XPO5: variants seen among roughly 807,000 people sequenced by gnomAD.
The protein encoded by XPO5 is exportin 5.
XPO5 carries 46 observed loss-of-function variants against 160.6 expected under a neutral mutation model. That is an observed-to-expected ratio of 0.29 (90% CI 0.23 to 0.37). XPO5 has a LOEUF of 0.37. Among genes scored for constraint, XPO5 ranks in the 10% least tolerant of loss-of-function variants. The probability of loss-of-function intolerance (pLI) is 1.00; values close to 1 mark genes in which losing one functional copy is unlikely to be tolerated. For missense variants in XPO5, 1,090 were observed against 1,463.9 expected (o/e 0.74, Z 4.17); for synonymous variants, 537 against 519.3 (o/e 1.03, Z -0.46).
intron 9 of XPO5, chr6:43,561,997 G>A (rs1314153257): frequency 6.2e-6 from 2 of 322,352 alleles, no homozygotes; most frequent in Non-Finnish European, 5.6e-6. Context: ...AGAAACCAAC[G>A]TTGACTTTAT....
intron 5 of XPO5, 131 bp downstream of exon 5, chr6:43,570,371 G>GTTTTTTAT: frequency 3.2e-6 from 2 of 629,120 alleles, no homozygotes; most frequent in Non-Finnish European, 4.7e-6. Context: ...TCATTTCCTA[G>GTTTTTTAT]TTTTTTATTT....
At chr6:43,575,379 T>G (rs1582254460) in intron 1 of XPO5, among the ~76,000 whole-genome samples, 1 of 106,284 alleles carries the variant, frequency 9.4e-6, no homozygotes, top group African/African-American at 3.7e-5. Flanking sequence ...ACGAAGCTGG[T>G]GTTGGGGGCG....
chr6:43,560,612 A>G (rs1762368483), intron 10 of XPO5, among the ~76,000 whole-genome samples: 2 of 152,242 alleles, frequency 1.3e-5, no homozygotes, highest in South Asian at 4.1e-4. Context: ...AATTAATTTT[A>G]TAATACAATT....
At chr6:43,524,426 A>C in intron 31 of XPO5, 45 bp downstream of exon 31, 1 of 1,591,824 alleles carries the variant, frequency 6.3e-7, no homozygotes, top group Non-Finnish European at 8.6e-7. Flanking sequence ...CATACACATG[A>C]TTTAAGAAGG....
chr6:43,526,355 T>A, intron 27 of XPO5: 1 of 414,072 alleles, frequency 2.4e-6, no homozygotes, highest in Non-Finnish European at 4.5e-6. Context: ...TGAAGAAGAA[T>A]AAAGCAGAGG....
intron 1 of XPO5, among the ~76,000 whole-genome samples, 181 bp downstream of exon 1, chr6:43,575,579 G>A (rs953197381): frequency 6.6e-6 from 1 of 152,246 alleles, no homozygotes; most frequent in Middle Eastern, 3.2e-3. Flanking sequence ...GGAGCGGCGA[G>A]TAGAGAAGGC....
chr6:43,524,335 AGAGT>A, intron 31 of XPO5, 132 bp downstream of exon 31: 2 of 1,227,278 alleles, frequency 1.6e-6, no homozygotes, highest in Non-Finnish European at 2.2e-6. Context: ...CTGGGCAACA[AGAGT>A]GAAACCCCAT....
rs58633664 is a variant in XPO5, at chr6:43,562,183, A to G, written c.1011+64T>C. ...GACATTTGCAACCCCTCATTGAAACATAAGTTTCTAAATGCTCTTCCCAAA... is the reference window on the plus strand; with the variant it reads ...GACATTTGCAACCCCTCATTGAAACGTAAGTTTCTAAATGCTCTTCCCAAA... On this transcript the variant is annotated intron_variant, in intron 9 of 31. Transcript: ENST00000265351. 1.2e-3 allele frequency: 1,644 copies of G among 1,363,386 alleles called. 17 individuals are homozygous for G. The African/African-American group carries it at 0.019, about 16-fold the overall frequency. The allele number at this position is 1,363,386 out of a possible 1,614,324, so 84.5% of individuals were successfully genotyped here.
intron 20 of XPO5, among the ~76,000 whole-genome samples, chr6:43,536,831 T>G (rs1285411802): frequency 2.0e-5 from 3 of 150,292 alleles, no homozygotes; most frequent in African/African-American, 7.5e-5. Context: ...TGAAAATTTT[T>G]TCTGTGTGTG....
At position 43,539,569 on chromosome 6, in the gene XPO5, GCCCCGGCCCGGTCCACGGCTGCGA is replaced by G. The variant is rs1021755794; in HGVS notation, c.2343-5586_2343-5563del. On this transcript the variant is annotated intron_variant, in intron 20 of 31. Transcript: ENST00000265351. ...TGCCTCCGCGAGCTCCGCGGCCTCA[GCCCCGGCCCGGTCCACGGCTGCGA>G]CCCCGGCCCCGGATGCCACTGGCGA... is the stretch of plus-strand genomic sequence containing the variant. 275 of 1,365,044 alleles carry G rather than the reference GCCCCGGCCCGGTCCACGGCTGCGA, an allele frequency of 2.0e-4. 3 individuals carry two copies. The highest frequency in any genetic ancestry group is 1.8e-4 in the Non-Finnish European group (179 of 975,002). The allele number at this position is 1,365,044 out of a possible 1,614,324, so 84.6% of individuals were successfully genotyped here.
intron 20 of XPO5, among the ~76,000 whole-genome samples, chr6:43,534,889 T>C (rs1294477390): frequency 6.6e-6 from 1 of 151,902 alleles, no homozygotes; most frequent in Non-Finnish European, 1.5e-5. Context: ...TCCCAGTTAC[T>C]TGGGAGGCTA....
Position 43,575,831 on chromosome 6 carries a change from G to T in XPO5, c.34C>A (p.Gln12Lys). ...AMDQVNALCEQLVKAVTVMMD... is the reference protein window; with the variant it reads ...AMDQVNALCEKLVKAVTVMMD... ...ATGACCGTCACCGCTTTCACCAGCT[G>T]CTCGCACAGCGCGTTTACTTGATCC... The change falls in exon 1 of 32, where the codon CAG becomes AAG. Residue 12 changes from glutamine (Q) to lysine (K), a missense_variant. Gln to Lys is a moderately conservative substitution (Grantham distance 53, BLOSUM62 1). Transcript: ENST00000265351. The T allele has an allele frequency of 1.2e-6, 2 of 1,613,786 alleles. No homozygotes were observed. The highest frequency in any genetic ancestry group is 1.7e-6 in the Non-Finnish European group (2 of 1,179,762).
Position 43,526,617 on chromosome 6 carries a change from C to G in XPO5, c.2983+68G>C, listed in dbSNP as rs555737481. On this transcript the variant is annotated intron_variant, in intron 27 of 31. Coordinates refer to ENST00000265351, the MANE Select transcript of XPO5 (RefSeq NM_020750.3). ...CCTCACCAGACTGCAAGGAAACTGA[C>G]CTGGTTCAGAAGGAACAGTATTTAG... is the stretch of plus-strand genomic sequence containing the variant. 40 of 1,576,178 alleles carry G rather than the reference C, an allele frequency of 2.5e-5. No individual in the cohort carries two copies. In the South Asian group the frequency reaches 4.3e-4, roughly 17 times the overall value.
intron 29 of XPO5, 61 bp downstream of exon 29, chr6:43,525,046 A>G (rs1188241954): frequency 4.4e-6 from 7 of 1,580,774 alleles, no homozygotes. Context: ...TGAATGATTT[A>G]GTCAGTCTGC....
chr6:43,575,833 T>C lies in XPO5; in HGVS notation c.32A>G (p.Glu11Gly). 1 of 1,613,782 alleles carries C rather than the reference T, an allele frequency of 6.2e-7. No homozygotes were observed. The highest frequency in any genetic ancestry group is 8.5e-7 in the Non-Finnish European group (1 of 1,179,766). MAMDQVNALC[E>G]QLVKAVTVMM... is the part of the protein sequence containing the mutation. ...GACCGTCACCGCTTTCACCAGCTGC[T>C]CGCACAGCGCGTTTACTTGATCCAT... The change falls in exon 1 of 32, where the codon GAG (glutamate) becomes GGG (glycine). Residue 11 changes from glutamate to glycine, a missense_variant. Around this residue, in one of 3 missense-constraint regions of XPO5, gnomAD observed 170 missense variants for 227.0 expected, o/e 0.75. Transcript: ENST00000265351.
At chr6:43,560,435 A>G in intron 10 of XPO5, 132 bp from the exon 11 acceptor site, 1 of 1,154,084 alleles carries the variant, frequency 8.7e-7, no homozygotes, top group Non-Finnish European at 1.2e-6. Context: ...TCTCTACTGC[A>G]ATTTATCAGT....
rs761744462 is a variant in XPO5, at chr6:43,522,756, G to C, written c.*1112C>G. 1 of 488,550 alleles carries C rather than the reference G, an allele frequency of 2.0e-6. No individual in the cohort carries two copies. The allele number at this position is 488,550 out of a possible 1,614,324, so 30.3% of individuals were successfully genotyped here. A position where few individuals can be genotyped will look rare whatever the true frequency, so the allele number is the denominator to read the frequency against. The stretch of plus-strand genomic sequence containing the variant: ...TGGACAACAGGTCTGTTTTTGTGCA[G>C]AGCACATGGACACACTGGTTTCTGT... On this transcript the variant is annotated 3_prime_UTR_variant, in exon 32 of 32. Coordinates refer to ENST00000265351, the MANE Select transcript of XPO5 (RefSeq NM_020750.3).
At chr6:43,557,251 C>G (rs767980447) in intron 12 of XPO5, among the ~76,000 whole-genome samples, 1 of 151,754 alleles carries the variant, frequency 6.6e-6, no homozygotes, top group African/African-American at 2.4e-5. Context: ...ACAGTGAAAC[C>G]CTGTCTCTAC....
intron 20 of XPO5, among the ~76,000 whole-genome samples, chr6:43,535,967 A>G (rs559031534): frequency 1.3e-5 from 2 of 151,704 alleles, no homozygotes; most frequent in South Asian, 4.2e-4. Context: ...TACTAAAAAT[A>G]TAAAAATTAG....
Sources: gnomAD v4.1 joint callset for allele counts (sites outside exome capture counted in the v4.1 genomes callset) on GRCh38, gnomAD v4.1.1 for gene constraint, gnomAD v4.1.1 regional missense constraint, MANE v1.5 for transcripts, NCBI Gene and HGNC (gene_info 2026-07-23, HGNC 2026-07-21) for gene names.